Variants in CADM2 observed in about 807,000 individuals in gnomAD.
CADM2 encodes the protein cell adhesion molecule 2.
Under a neutral mutation model 49.8 loss-of-function variants are expected in CADM2, and 12 were observed. The observed-to-expected ratio is 0.24, with a 90% CI of 0.15 to 0.39. CADM2 has a LOEUF of 0.39. Among genes scored for constraint, CADM2 ranks in the 10% least tolerant of loss-of-function variants. The pLI is 1.00. For missense variants in CADM2, 378 were observed against 492.3 expected (o/e 0.77, Z 2.20); for synonymous variants, 214 against 175.4 (o/e 1.22, Z -1.74).
chr3:85,098,262 A>C (rs1464295228), intron 1 of CADM2, among the ~76,000 whole-genome samples: 1 of 152,100 alleles, frequency 6.6e-6, no homozygotes. Context: ...CGTAGAAAAA[A>C]AAAAAAAAAG....
At chr3:85,275,555 T>C (rs1403173123) in intron 1 of CADM2, among the ~76,000 whole-genome samples, 3 of 151,314 alleles carry the variant, frequency 2.0e-5, no homozygotes, top group Non-Finnish European at 4.4e-5. Flanking sequence ...ATAAAATCTT[T>C]ATATATACAT....
intron 8 of CADM2, among the ~76,000 whole-genome samples, chr3:85,982,320 A>G (rs372480661): frequency 3.3e-5 from 5 of 151,640 alleles, no homozygotes; most frequent in East Asian, 3.9e-4. Context: ...ACACTCAACC[A>G]ACCTCCAAGA....
intron 2 of CADM2, among the ~76,000 whole-genome samples, chr3:85,727,374 C>T (rs2067746273): frequency 6.6e-6 from 1 of 151,986 alleles, no homozygotes; most frequent in Admixed American, 6.6e-5. Flanking sequence ...AAAGTCAAGC[C>T]TTTATCATAC....
At chr3:85,642,495 TA>T (rs566944754) in intron 1 of CADM2, among the ~76,000 whole-genome samples, 126 of 151,932 alleles carry the variant, frequency 8.3e-4, no homozygotes, top group Non-Finnish European at 1.2e-3. Flanking sequence ...AAAAATAGTT[TA>T]AAAAAAAGCT....
chr3:85,593,015 G>C (rs2063149127), intron 1 of CADM2, among the ~76,000 whole-genome samples: 1 of 151,868 alleles, frequency 6.6e-6, no homozygotes, highest in African/African-American at 2.4e-5. Context: ...CCTGTATTCT[G>C]TCTGCCTAAG....
chr3:85,658,949 G>A (rs554967834), intron 1 of CADM2, among the ~76,000 whole-genome samples: 8 of 151,106 alleles, frequency 5.3e-5, no homozygotes, highest in African/African-American at 1.5e-4. Context: ...CTACTTGGGA[G>A]GCTGTGGCAG....
At chr3:85,257,015 T>C (rs1226845679) in intron 1 of CADM2, among the ~76,000 whole-genome samples, 3 of 152,154 alleles carry the variant, frequency 2.0e-5, no homozygotes, top group African/African-American at 4.8e-5. Flanking sequence ...ATATTAACTC[T>C]GGATTTTCCT....
At chr3:85,914,425 C>A (rs1046985390) in intron 6 of CADM2, among the ~76,000 whole-genome samples, 5 of 151,932 alleles carry the variant, frequency 3.3e-5, no homozygotes, top group African/African-American at 4.8e-5. Flanking sequence ...TTTTCTGTTT[C>A]TTTTTCTTAC....
At chr3:85,391,397 G>T (rs867444239) in intron 1 of CADM2, among the ~76,000 whole-genome samples, 46 of 152,176 alleles carry the variant, frequency 3.0e-4, no homozygotes, top group Admixed American at 7.8e-4. Flanking sequence ...AGAGGTTATA[G>T]ATGTTTAAGG....
chr3:85,261,185 G>A (rs1329375968), intron 1 of CADM2, among the ~76,000 whole-genome samples: 3 of 151,916 alleles, frequency 2.0e-5, no homozygotes, highest in Non-Finnish European at 4.4e-5. Context: ...CACTCAGGCT[G>A]GAGTGCAGTG....
At chr3:85,608,389 A>G (rs1162597613) in intron 1 of CADM2, among the ~76,000 whole-genome samples, 4 of 152,046 alleles carry the variant, frequency 2.6e-5, no homozygotes, top group Non-Finnish European at 5.9e-5. Context: ...TAGCTTAGAG[A>G]TGTTAGATTT....
At chr3:85,133,518 A>T (rs922193713) in intron 1 of CADM2, among the ~76,000 whole-genome samples, 4 of 151,854 alleles carry the variant, frequency 2.6e-5, no homozygotes, top group African/African-American at 9.7e-5. Flanking sequence ...CAGGGTGCTG[A>T]CTGGTGTGTT....
intron 8 of CADM2, among the ~76,000 whole-genome samples, chr3:86,032,714 T>C (rs1734699074): frequency 1.3e-5 from 2 of 151,950 alleles, no homozygotes; most frequent in African/African-American, 4.8e-5. Context: ...ATGAAGCTCA[T>C]AGGCAATCAA....
Position 86,072,315 on chromosome 3 carries a change from A to C in CADM2, c.*5532A>C, listed in dbSNP as rs1703327459. The C allele has an allele frequency of 6.6e-6, 1 of 151,678 alleles. No individual in the cohort carries two copies. The allele number at this position is 151,678 out of a possible 1,614,324, so 9.4% of individuals were successfully genotyped here. A position where few individuals can be genotyped will look rare whatever the true frequency, so the allele number is the denominator to read the frequency against. ...ATATATCAAGAAGTTATATATATAT[A>C]ACTCAAGAAACTCAAGTTATATATA... On this transcript the variant is annotated 3_prime_UTR_variant, in exon 10 of 10. Transcript: ENST00000383699.
intron 1 of CADM2, among the ~76,000 whole-genome samples, chr3:85,290,501 A>C (rs185235545): frequency 0.063 from 9,652 of 152,238 alleles, 1,007 homozygotes; most frequent in African/African-American, 0.22. Flanking sequence ...CAGACAAACA[A>C]AAAGACAGCA....
intron 1 of CADM2, among the ~76,000 whole-genome samples, chr3:85,391,684 G>A (rs952233619): frequency 6.6e-6 from 1 of 152,042 alleles, no homozygotes; most frequent in Non-Finnish European, 1.5e-5. Context: ...TACCAGCAGG[G>A]GAGCATAACC....
rs1201590044 is a variant in CADM2, at chr3:85,828,645, CTCTCAT to C, written c.238+26453_238+26458del. 4.6e-5 allele frequency among the ~76,000 whole-genome samples: 7 copies of C among 151,990 alleles called. No homozygotes were observed. The Admixed American group carries it at 4.6e-4, about 10-fold the overall frequency. Reference sequence around the variant, plus strand: ...CTTATATCTTGTATAATTCCTCACTCTCTCATTCTTTGTTTCTCCCTGACTTCTATC... The same window carrying C: ...CTTATATCTTGTATAATTCCTCACTCTCTTTGTTTCTCCCTGACTTCTATC... On this transcript the variant is annotated intron_variant, in intron 3 of 9. Coordinates refer to ENST00000383699, the MANE Select transcript of CADM2 (RefSeq NM_001167675.2).
At chr3:85,153,111 T>A (rs1450672643) in intron 1 of CADM2, among the ~76,000 whole-genome samples, 1 of 152,152 alleles carries the variant, frequency 6.6e-6, no homozygotes, top group Non-Finnish European at 1.5e-5. Flanking sequence ...ACAGCTCCAG[T>A]CTCCAGCTCC....
chr3:85,659,757 T>C (rs2065341091), intron 1 of CADM2, among the ~76,000 whole-genome samples: 1 of 152,152 alleles, frequency 6.6e-6, no homozygotes, highest in South Asian at 2.1e-4. Flanking sequence ...ATGCAGATTA[T>C]GGTTAAGTAC....
Sources: gnomAD v4.1 joint callset for allele counts (sites outside exome capture counted in the v4.1 genomes callset) on GRCh38, gnomAD v4.1.1 for gene constraint, MANE v1.5 for transcripts, NCBI Gene and HGNC (gene_info 2026-07-23, HGNC 2026-07-21) for gene names.